The following PHTF2 variants were observed in gnomAD, a reference collection of about 807,000 sequenced individuals.
PHTF2 encodes the protein protein PHTF2.
PHTF2 carries 60 observed loss-of-function variants against 101.2 expected under a neutral mutation model. The ratio of observed to expected loss-of-function variants is 0.59; its 90% CI spans 0.48 to 0.73. The LOEUF (loss-of-function observed/expected upper bound fraction) is 0.73. Among genes scored for constraint, PHTF2 ranks in the 30% least tolerant of loss-of-function variants. The probability of loss-of-function intolerance (pLI) is 0.00; values close to 1 mark genes in which losing one functional copy is unlikely to be tolerated. For synonymous variants in PHTF2, 311 were observed against 307.3 expected (o/e 1.01, Z -0.13); for missense variants, 747 against 908.7 (o/e 0.82, Z 2.29).
chr7:77,923,399 A>G lies in PHTF2; in HGVS notation c.1119+621A>G, dbSNP rs960600303. ...CACTTTTTTATAAACATTACCTTCT[A>G]CTCTTTTTGAGCTATGTTAGTAATT... On this transcript the variant is annotated intron_variant, in intron 11 of 19. Transcript: ENST00000416283. The G allele has an allele frequency of 1.5e-5, 15 of 978,760 alleles. No homozygotes were observed. In the Admixed American group the frequency reaches 3.7e-4, roughly 24 times the overall value. The allele number at this position is 978,760 out of a possible 1,614,324, so 60.6% of individuals were successfully genotyped here.
intron 2 of PHTF2, among the ~76,000 whole-genome samples, chr7:77,846,982 A>G (rs937960874): frequency 2.6e-5 from 4 of 152,146 alleles, no homozygotes; most frequent in African/African-American, 9.7e-5. Flanking sequence ...GAGCTTTCTA[A>G]TAGGCTGAGG....
chr7:77,881,516 T>C (rs1024010974), intron 3 of PHTF2, among the ~76,000 whole-genome samples: 1 of 66,474 alleles, frequency 1.5e-5, no homozygotes, highest in Non-Finnish European at 3.2e-5. Context: ...CAATGGCTGG[T>C]TTTGTTTTTT....
At position 77,848,595 on chromosome 7, in the gene PHTF2, A is replaced by G. The variant is rs76531056; in HGVS notation, c.46-6138A>G. On this transcript the variant is annotated intron_variant, in intron 2 of 19. Transcript: ENST00000416283. ...CTATAGAGTTGTTTGAGCTCCTTGT[A>G]TATTCTGGTTGTTAATTCATTGTCA... Among the ~76,000 whole-genome samples, 890 of 152,176 alleles carry G rather than the reference A, an allele frequency of 5.8e-3. 5 individuals carry two copies. Among genetic ancestry groups the G allele is most frequent in the African/African-American group, 0.019 (793 of 41,518 alleles).
intron 3 of PHTF2, among the ~76,000 whole-genome samples, chr7:77,878,422 G>A (rs1398241459): frequency 6.6e-6 from 1 of 152,036 alleles, no homozygotes; most frequent in Non-Finnish European, 1.5e-5. Flanking sequence ...ACCAATTTTA[G>A]TTTTACAATA....
intron 10 of PHTF2, among the ~76,000 whole-genome samples, 179 bp downstream of exon 9, chr7:77,920,644 A>G (rs867553996): frequency 3.3e-5 from 5 of 152,296 alleles, no homozygotes; most frequent in East Asian, 1.9e-4. Context: ...TTGATTGACA[A>G]TATAATCTGA....
At chr7:77,951,539 C>CT in intron 17 of PHTF2, 78 bp from the exon 17 acceptor site, 1 of 632,722 alleles carries the variant, frequency 1.6e-6, no homozygotes, top group Non-Finnish European at 2.7e-6. Context: ...TAACCAGATA[C>CT]TTGAGTGAAT....
intron 1 of PHTF2, among the ~76,000 whole-genome samples, chr7:77,808,590 T>C (rs972345551): frequency 2.0e-5 from 3 of 152,250 alleles, no homozygotes; most frequent in African/African-American, 7.2e-5. Context: ...CTACATTGCA[T>C]ATGCCAATCA....
chr7:77,878,811 A>G (rs915906181), intron 3 of PHTF2, among the ~76,000 whole-genome samples: 33 of 152,142 alleles, frequency 2.2e-4, no homozygotes, highest in African/African-American at 7.0e-4. Flanking sequence ...AATCAACTAG[A>G]TGTGTATTTT....
chr7:77,806,539 T>G (rs1792999051), intron 1 of PHTF2, among the ~76,000 whole-genome samples: 1 of 152,186 alleles, frequency 6.6e-6, no homozygotes, highest in Non-Finnish European at 1.5e-5. Context: ...TACCTTTTTA[T>G]GTTTATATTT....
At chr7:77,888,416 T>G (rs962149531) in intron 3 of PHTF2, among the ~76,000 whole-genome samples, 1 of 152,102 alleles carries the variant, frequency 6.6e-6, no homozygotes, top group Non-Finnish European at 1.5e-5. Flanking sequence ...GCGCCCGGCC[T>G]AGAATGTTAG....
intron 5 of PHTF2, 33 bp from the exon 5 acceptor site, chr7:77,900,678 T>C (rs769467127): frequency 9.3e-7 from 1 of 1,075,520 alleles, no homozygotes; most frequent in South Asian, 1.2e-5. Context: ...TAAGTATATA[T>C]ACAATTCCAA....
chr7:77,841,892 C>A (rs79902282), intron 2 of PHTF2, among the ~76,000 whole-genome samples: 2,039 of 152,266 alleles, frequency 0.013, 50 homozygotes, highest in African/African-American at 0.046. Flanking sequence ...TTTTCTCTTT[C>A]CTAATTTCTA....
At chr7:77,921,984 G>T (rs139033681) in intron 10 of PHTF2, among the ~76,000 whole-genome samples, 2 of 147,494 alleles carry the variant, frequency 1.4e-5, no homozygotes, top group Admixed American at 1.4e-4. Flanking sequence ...TCTTTTAAGT[G>T]GTCTCTGTTC....
chr7:77,840,910 T>C (rs1795814296), intron 2 of PHTF2, among the ~76,000 whole-genome samples: 1 of 152,110 alleles, frequency 6.6e-6, no homozygotes, highest in Non-Finnish European at 1.5e-5. Context: ...GTTTATATTC[T>C]TTAAAATTTA....
At chr7:77,871,679 T>G (rs1249577264) in intron 3 of PHTF2, among the ~76,000 whole-genome samples, 1 of 152,234 alleles carries the variant, frequency 6.6e-6, no homozygotes, top group Non-Finnish European at 1.5e-5. Context: ...CTGCAAAGTA[T>G]TGTCACCTAG....
intron 13 of PHTF2, among the ~76,000 whole-genome samples, chr7:77,939,397 G>A (rs1386067549): frequency 6.6e-6 from 1 of 151,936 alleles, no homozygotes; most frequent in African/African-American, 2.4e-5. Flanking sequence ...CTTGAGCCCA[G>A]GAGTTAAAGA....
chr7:77,838,966 T>A (rs970625761), intron 1 of PHTF2, among the ~76,000 whole-genome samples: 3 of 152,204 alleles, frequency 2.0e-5, no homozygotes, highest in Non-Finnish European at 4.4e-5. Context: ...TGATAATTTT[T>A]ATTGTATCTG....
rs900801627 is a variant in PHTF2, at chr7:77,913,511, A to G, written c.776+3102A>G. ...AAAGAGATTGAATAGGATGAATTAC[A>G]TCTTGATTGTGTGTCGTTCAGCATA... On this transcript the variant is annotated intron_variant, in intron 9 of 19. Coordinates refer to ENST00000416283, the Ensembl canonical transcript of PHTF2. Among the ~76,000 whole-genome samples the G allele has an allele frequency of 3.9e-5, 6 of 152,172 alleles. No individual in the cohort carries two copies. The East Asian group carries it at 1.2e-3, about 29-fold the overall frequency.
intron 1 of PHTF2, among the ~76,000 whole-genome samples, chr7:77,810,989 C>T (rs575032999): frequency 1.7e-4 from 26 of 152,260 alleles, no homozygotes; most frequent in East Asian, 5.8e-4. Context: ...CTGCAACCTC[C>T]GCCTCCTAGG....
Sources: gnomAD v4.1 joint callset for allele counts (sites outside exome capture counted in the v4.1 genomes callset) on GRCh38, gnomAD v4.1.1 for gene constraint, MANE v1.5 for transcripts, NCBI Gene and HGNC (gene_info 2026-07-23, HGNC 2026-07-21) for gene names.